Variants in XKR6 observed in about 807,000 individuals in gnomAD.
XKR6 encodes XK related 6.
A neutral mutation model predicts 56.7 loss-of-function variants in XKR6; 22 were observed. That is an observed-to-expected ratio of 0.39 (90% CI 0.28 to 0.55). The LOEUF (loss-of-function observed/expected upper bound fraction) is 0.55. XKR6 is among the 20% of genes least tolerant of loss of function. XKR6 has a pLI of 0.66. For synonymous variants in XKR6, 524 were observed against 387.8 expected, an observed-to-expected ratio of 1.35 and a Z score of -4.13; for missense variants, 852 against 889.0, an observed-to-expected ratio of 0.96 and a Z score of 0.53.
Position 10,937,982 on chromosome 8 carries a change from G to A in XKR6, c.765-13152C>T, listed in dbSNP as rs530488120. ...TACCTAAGCAAGCCTGAGCAATGGCGGGCGCCCCTCCCCCAGCCTCGCTGC... is the reference window on the plus strand; with the variant it reads ...TACCTAAGCAAGCCTGAGCAATGGCAGGCGCCCCTCCCCCAGCCTCGCTGC... On this transcript the variant is annotated intron_variant, in intron 1 of 2. Coordinates refer to ENST00000416569, the MANE Select transcript of XKR6 (RefSeq NM_173683.4). 1.3e-4 allele frequency among the ~76,000 whole-genome samples: 20 copies of A among 151,430 alleles called. No individual in the cohort carries two copies. The South Asian group carries it at 4.0e-3, about 30-fold the overall frequency.
intron 1 of XKR6, chr8:11,124,737 G>C (rs56759377): frequency 0.044 from 6,759 of 152,260 alleles, 507 homozygotes; most frequent in African/African-American, 0.15. Flanking sequence ...GTGAGTAAAA[G>C]ACGGCTCCAT....
chr8:11,171,124 C>T (rs1802346024), intron 1 of XKR6, among the ~76,000 whole-genome samples: 1 of 152,228 alleles, frequency 6.6e-6, no homozygotes, highest in African/African-American at 2.4e-5. Context: ...TGTCAACTGC[C>T]TGGTTGGGTA....
chr8:11,132,474 T>G (rs1052796444), intron 1 of XKR6, among the ~76,000 whole-genome samples: 2 of 151,958 alleles, frequency 1.3e-5, no homozygotes, highest in Admixed American at 1.3e-4. Flanking sequence ...CCAATTCTCC[T>G]GCTCAGCCTC....
At chr8:10,938,636 T>C (rs1308468380) in intron 1 of XKR6, among the ~76,000 whole-genome samples, 1 of 152,244 alleles carries the variant, frequency 6.6e-6, no homozygotes, top group African/African-American at 2.4e-5. Context: ...TTATATGATA[T>C]TCTGCAAGGC....
intron 1 of XKR6, among the ~76,000 whole-genome samples, chr8:10,968,269 A>G (rs1313618881): frequency 6.6e-6 from 1 of 152,214 alleles, no homozygotes; most frequent in African/African-American, 2.4e-5. Flanking sequence ...TCTCTCTACC[A>G]AAGAGAAAAG....
intron 1 of XKR6, among the ~76,000 whole-genome samples, chr8:11,117,383 A>T (rs1799232289): frequency 6.6e-6 from 1 of 152,206 alleles, no homozygotes; most frequent in Admixed American, 6.5e-5. Context: ...AACTTCACAT[A>T]TGCAGCTTGC....
chr8:10,963,622 T>G lies in XKR6; in HGVS notation c.765-38792A>C, dbSNP rs371902558. 4.6e-5 allele frequency among the ~76,000 whole-genome samples: 7 copies of G among 151,864 alleles called. No homozygotes were observed. The East Asian group carries it at 7.8e-4, about 17-fold the overall frequency. ...CACGGTATGGTCATGGAGCACTGCA[T>G]CCTCGACCTCCCAGGCTCAAGCAAT... On this transcript the variant is annotated intron_variant, in intron 1 of 2. Transcript: ENST00000416569.
At chr8:11,082,846 T>C (rs942397881) in intron 1 of XKR6, among the ~76,000 whole-genome samples, 8 of 152,236 alleles carry the variant, frequency 5.3e-5, no homozygotes, top group African/African-American at 1.7e-4. Flanking sequence ...GTTGCAGAAC[T>C]GAAGACAAGC....
chr8:11,200,645 C>T lies in XKR6; in HGVS notation c.695G>A (p.Arg232His). 1 of 1,552,540 alleles carries T rather than the reference C, an allele frequency of 6.4e-7. No homozygotes were observed. ...GATCCACACGGAGAGGCGACACAGG[C>T]GCTGCGCCCCCGGCGTGGGGGAGAC... ...VRVSPTPGAQRLCRLSVWIWQ... is the reference protein window; with the variant it reads ...VRVSPTPGAQHLCRLSVWIWQ... The change falls in exon 1 of 3, where the codon CGC becomes CAC. Residue 232 changes from arginine (R) to histidine (H), a missense_variant. Physicochemically the swap from Arg to His is conservative, Grantham distance 29 (BLOSUM62 0). Around this residue, in one of 4 missense-constraint regions of XKR6, gnomAD observed 417 missense variants for 355.2 expected, o/e 1.17. Coordinates refer to ENST00000416569, the MANE Select transcript of XKR6 (RefSeq NM_173683.4). The surrounding 1 kb of genome is among the most constrained non-coding windows in gnomAD (Gnocchi z 6.4).
chr8:10,951,848 G>T (rs903657281), intron 1 of XKR6, among the ~76,000 whole-genome samples: 1 of 152,168 alleles, frequency 6.6e-6, no homozygotes, highest in African/African-American at 2.4e-5. Flanking sequence ...GGACCAAGGA[G>T]GGGGCAGGGG....
At position 10,924,536 on chromosome 8, in the gene XKR6, C is replaced by G. The variant is rs530688645; in HGVS notation, c.961+98G>C. On this transcript the variant is annotated intron_variant, in intron 2 of 2. Coordinates refer to ENST00000416569, the MANE Select transcript of XKR6 (RefSeq NM_173683.4). ...GGGACTCAGGGCAGGATGGGCAATG[C>G]CCACAGAGCGTGCCAGGCACGAAGT... 3.4e-5 allele frequency: 49 copies of G among 1,444,260 alleles called. No homozygotes were observed. In the East Asian group the frequency reaches 7.2e-4, roughly 21 times the overall value. 89.5% of individuals were successfully genotyped at this position (1,444,260 alleles called of 1,614,324 possible).
chr8:11,091,636 G>T (rs899631957), intron 1 of XKR6, among the ~76,000 whole-genome samples: 5 of 152,104 alleles, frequency 3.3e-5, no homozygotes, highest in African/African-American at 1.2e-4. Context: ...GGTTTTACAT[G>T]TGCTGCCCTG....
At chr8:10,980,845 C>A (rs1797717726) in intron 1 of XKR6, among the ~76,000 whole-genome samples, 1 of 152,112 alleles carries the variant, frequency 6.6e-6, no homozygotes, top group African/African-American at 2.4e-5. Flanking sequence ...GGATTATGAT[C>A]TCTGTCTGTC....
intron 1 of XKR6, among the ~76,000 whole-genome samples, chr8:11,098,122 C>T (rs1369204716): frequency 6.6e-6 from 1 of 152,072 alleles, no homozygotes; most frequent in African/African-American, 2.4e-5. Context: ...GCTTCGACTT[C>T]CGGCTTGTTA....
chr8:11,161,280 C>T (rs1295333194), intron 1 of XKR6, among the ~76,000 whole-genome samples: 1 of 152,206 alleles, frequency 6.6e-6, no homozygotes, highest in African/African-American at 2.4e-5. Context: ...CTTGCCACCA[C>T]CAGTACCTAC....
intron 1 of XKR6, among the ~76,000 whole-genome samples, chr8:11,113,387 C>G (rs1456144110): frequency 2.0e-5 from 3 of 152,242 alleles, no homozygotes; most frequent in Non-Finnish European, 4.4e-5. Context: ...CTCCCCTCCA[C>G]CCAAAAAAGT....
intron 1 of XKR6, among the ~76,000 whole-genome samples, chr8:11,047,848 A>G (rs147642947): frequency 1.3e-5 from 2 of 152,242 alleles, no homozygotes; most frequent in African/African-American, 4.8e-5. Context: ...ATCTCACTAC[A>G]TGATCCCAGG....
intron 1 of XKR6, chr8:11,137,896 C>A: frequency 2.8e-6 from 1 of 357,860 alleles, no homozygotes; most frequent in South Asian, 2.1e-5. Flanking sequence ...AAGAATAAGA[C>A]TTAGGTCCAA....
chr8:10,977,160 C>G (rs1220948192), intron 1 of XKR6, among the ~76,000 whole-genome samples: 1 of 152,136 alleles, frequency 6.6e-6, no homozygotes, highest in Non-Finnish European at 1.5e-5. Context: ...AGCCTCAAGA[C>G]CTCCCCAGGT....
Sources: gnomAD v4.1 joint callset for allele counts (sites outside exome capture counted in the v4.1 genomes callset) on GRCh38, gnomAD v4.1.1 for gene constraint, gnomAD v4.1.1 regional missense constraint, Gnocchi (gnomAD v3.1) non-coding constraint, MANE v1.5 for transcripts, NCBI Gene and HGNC (gene_info 2026-07-23, HGNC 2026-07-21) for gene names.